The following KDM2A variants were observed in gnomAD, a reference collection of about 807,000 sequenced individuals.
KDM2A encodes lysine demethylase 2A.
A neutral mutation model predicts 137.3 loss-of-function variants in KDM2A; 3 were observed. The ratio of observed to expected loss-of-function variants is 0.02; its 90% confidence interval spans 0.01 to 0.06. The LOEUF is 0.06. KDM2A is among the 10% of genes least tolerant of loss of function. The pLI is 1.00. For synonymous variants in KDM2A, 512 were observed against 541.5 expected (o/e 0.95, Z 0.76); for missense variants, 738 against 1,510.6 (o/e 0.49, Z 8.48).
In KDM2A at chr11:67,207,555, G is replaced by A. The variant is rs1234667968; in HGVS notation, c.353G>A (p.Gly118Asp). 1.2e-6 allele frequency: 2 copies of A among 1,613,378 alleles called. No homozygotes were observed. Among genetic ancestry groups the A allele is most frequent in the East Asian group, 2.2e-5 (1 of 44,886 alleles). Residue 118 changes from glycine (G) to aspartate (D), a missense_variant, in exon 6 of 21, where the codon GGC (glycine) becomes GAC (aspartate). Gly to Asp is a moderately conservative substitution (Grantham distance 94). Around this residue, in one of 9 missense-constraint regions of KDM2A, gnomAD observed 74 missense variants for 181.8 expected, o/e 0.41. Transcript: ENST00000529006. ...VDVMDVNTQKGIEMTMAQWTR... is the reference protein window; with the variant it reads ...VDVMDVNTQKDIEMTMAQWTR... ...GTCATGGACGTGAACACACAGAAAG[G>A]CATTGAAATGACCATGGCTCAGTGG...
chr11:67,248,892 A>G (rs1859327149), intron 16 of KDM2A, among the ~76,000 whole-genome samples: 1 of 152,194 alleles, frequency 6.6e-6, no homozygotes, highest in South Asian at 2.1e-4. Flanking sequence ...GACCAGTGCT[A>G]TGACCTTGGC....
chr11:67,197,412 A>T (rs1007996611), intron 5 of KDM2A, among the ~76,000 whole-genome samples: 2 of 152,178 alleles, frequency 1.3e-5, no homozygotes, highest in Non-Finnish European at 2.9e-5. Context: ...CCTGAGCTCA[A>T]GCAGTCAGCC....
chr11:67,193,904 C>T (rs1341440080), intron 5 of KDM2A, among the ~76,000 whole-genome samples: 1 of 152,094 alleles, frequency 6.6e-6, no homozygotes, highest in Non-Finnish European at 1.5e-5. Flanking sequence ...ACAGGGGTCT[C>T]GCTGTGTTGA....
At chr11:67,155,516 C>G (rs1368867060) in intron 2 of KDM2A, among the ~76,000 whole-genome samples, 1 of 152,120 alleles carries the variant, frequency 6.6e-6, no homozygotes, top group Non-Finnish European at 1.5e-5. Flanking sequence ...GTTGCCCAAG[C>G]TGGTTTCGAA....
At chr11:67,184,627 A>T (rs746924785) in intron 5 of KDM2A, among the ~76,000 whole-genome samples, 1 of 152,108 alleles carries the variant, frequency 6.6e-6, no homozygotes, top group African/African-American at 2.4e-5. Context: ...ACTCATCTCA[A>T]AAAAAGGTGA....
At chr11:67,155,173 C>A (rs1450601980) in intron 2 of KDM2A, among the ~76,000 whole-genome samples, 1 of 151,988 alleles carries the variant, frequency 6.6e-6, no homozygotes, top group African/African-American at 2.4e-5. Context: ...TGCCACCACA[C>A]CCAGCTAATT....
At chr11:67,214,912 CT>C (rs919222956) in intron 6 of KDM2A, among the ~76,000 whole-genome samples, 2 of 151,694 alleles carry the variant, frequency 1.3e-5, no homozygotes, top group African/African-American at 2.4e-5. Flanking sequence ...GGATTTTTTT[CT>C]TTTTTTTGGC....
At chr11:67,237,946 A>T (rs972384277) in intron 12 of KDM2A, among the ~76,000 whole-genome samples, 3 of 152,140 alleles carry the variant, frequency 2.0e-5, no homozygotes, top group African/African-American at 7.2e-5. Context: ...ATATCCTGTT[A>T]TAGGATATAT....
intron 2 of KDM2A, among the ~76,000 whole-genome samples, chr11:67,154,024 G>A (rs189735986): frequency 2.0e-4 from 30 of 152,080 alleles, no homozygotes; most frequent in Admixed American, 4.6e-4. Context: ...ACAGATTTAC[G>A]GTTATACTGA....
chr11:67,188,496 A>AT (rs1857263430), intron 5 of KDM2A, among the ~76,000 whole-genome samples: 1 of 149,808 alleles, frequency 6.7e-6, no homozygotes, highest in Non-Finnish European at 1.5e-5. Flanking sequence ...AAAAAAAAAA[A>AT]GAAAGAAAAA....
chr11:67,200,511 C>T (rs139836956), intron 5 of KDM2A, among the ~76,000 whole-genome samples: 63 of 152,218 alleles, frequency 4.1e-4, no homozygotes, highest in African/African-American at 1.4e-3. Context: ...GCGACCGTGC[C>T]CAGCCTGTTT....
intron 2 of KDM2A, among the ~76,000 whole-genome samples, chr11:67,170,451 C>T (rs1334644738): frequency 8.4e-6 from 1 of 118,644 alleles, no homozygotes; most frequent in Non-Finnish European, 1.6e-5. Context: ...CTCGCTCTGT[C>T]GCCCAGGCTG....
intron 5 of KDM2A, among the ~76,000 whole-genome samples, chr11:67,202,734 C>T (rs1857666016): frequency 6.7e-6 from 1 of 149,426 alleles, no homozygotes; most frequent in Admixed American, 6.7e-5. Flanking sequence ...CGAGATCGCG[C>T]CACTACGCTC....
intron 5 of KDM2A, among the ~76,000 whole-genome samples, chr11:67,197,549 C>CA (rs1245227287): frequency 6.6e-6 from 1 of 152,126 alleles, no homozygotes; most frequent in Non-Finnish European, 1.5e-5. Context: ...TAATCATTGG[C>CA]AAAATGCAGT....
chr11:67,223,485 C>T (rs932502407), intron 10 of KDM2A, among the ~76,000 whole-genome samples: 2 of 152,100 alleles, frequency 1.3e-5, no homozygotes, highest in African/African-American at 4.8e-5. Flanking sequence ...TCATTGCAGC[C>T]TCAACCTCGT....
chr11:67,253,523 C>G lies in KDM2A; in HGVS notation c.3003C>G (p.Pro1001=), dbSNP rs1186748994. The change falls in exon 19 of 21, where the codon CCC becomes CCG. Residue 1001 remains proline (P), a synonymous_variant. Coordinates refer to ENST00000529006, the MANE Select transcript of KDM2A (RefSeq NM_012308.3). ...CTGCCCTCAGCACCTCCAGCTGCCC[C>G]CTTCTCAGGACCCTTGATCTTCGGT... ...AVSALSTSSC[P]LLRTLDLRWA... 2 of 1,613,828 alleles carry G rather than the reference C, an allele frequency of 1.2e-6. No homozygotes were observed. The highest frequency in any genetic ancestry group is 1.3e-5 in the African/African-American group (1 of 74,910).
At chr11:67,176,368 A>T (rs1856973397) in intron 2 of KDM2A, among the ~76,000 whole-genome samples, 1 of 152,168 alleles carries the variant, frequency 6.6e-6, no homozygotes, top group Non-Finnish European at 1.5e-5. Context: ...TCAATTCTAG[A>T]TCATCAATAC....
intron 5 of KDM2A, among the ~76,000 whole-genome samples, chr11:67,198,945 AT>A (rs1442425314): frequency 3.3e-5 from 5 of 151,716 alleles, no homozygotes; most frequent in Non-Finnish European, 5.9e-5. Flanking sequence ...TGCCTGGCTA[AT>A]TTTTGTATTT....
Position 67,253,582 on chromosome 11 carries a change from A to C in KDM2A, c.3062A>C (p.Asp1021Ala). The C allele has an allele frequency of 6.2e-7, 1 of 1,613,830 alleles. No homozygotes were observed. Among genetic ancestry groups the C allele is most frequent in the Non-Finnish European group, 8.5e-7 (1 of 1,179,836 alleles). Residue 1021 changes from aspartate (D) to alanine (A), a missense_variant, in exon 19 of 21, where the codon GAC becomes GCC. Transcript: ENST00000529006. Reference sequence around the variant, plus strand: ...GGAATCAAGGACCCTCAAATTCGGGACTTGCTTACTCCACCGGCTGATAAA... The same window carrying C: ...GGAATCAAGGACCCTCAAATTCGGGCCTTGCTTACTCCACCGGCTGATAAA... ...AVGIKDPQIRDLLTPPADKPG... is the reference protein window; with the variant it reads ...AVGIKDPQIRALLTPPADKPG...
Sources: gnomAD v4.1 joint callset for allele counts (sites outside exome capture counted in the v4.1 genomes callset) on GRCh38, gnomAD v4.1.1 for gene constraint, gnomAD v4.1.1 regional missense constraint, MANE v1.5 for transcripts, NCBI Gene and HGNC (gene_info 2026-07-23, HGNC 2026-07-21) for gene names.